The following CAMTA1 variants were observed in gnomAD, a reference collection of about 807,000 sequenced individuals.
CAMTA1 encodes calmodulin-binding transcription activator 1.
Under a neutral mutation model 170.9 loss-of-function variants are expected in CAMTA1, and 27 were observed. The observed-to-expected ratio is 0.16, with a 90% CI of 0.12 to 0.22. CAMTA1 has a LOEUF of 0.22. Among genes scored for constraint, CAMTA1 ranks in the 10% least tolerant of loss-of-function variants. CAMTA1 has a pLI of 1.00. For synonymous variants in CAMTA1, 833 were observed against 891.5 expected (o/e 0.93, Z 1.17); for missense variants, 1,619 against 2,217.2 (o/e 0.73, Z 5.42).
At chr1:7,070,202 G>C (rs141924290) in intron 3 of CAMTA1, among the ~76,000 whole-genome samples, 2 of 152,306 alleles carry the variant, frequency 1.3e-5, no homozygotes, top group Non-Finnish European at 2.9e-5. Context: ...CATCAGATGG[G>C]GGCGGGCTCA....
intron 22 of CAMTA1, among the ~76,000 whole-genome samples, chr1:7,765,984 G>A (rs1004279742): frequency 4.8e-5 from 7 of 146,788 alleles, no homozygotes; most frequent in African/African-American, 1.5e-4. Context: ...CCGAGATGGT[G>A]CCACTGCACT....
In CAMTA1 at chr1:7,266,311, C is replaced by G. The variant is rs185800350; in HGVS notation, c.438+16685C>G. 3.3e-5 allele frequency among the ~76,000 whole-genome samples: 5 copies of G among 152,308 alleles called. No homozygotes were observed. In the East Asian group the frequency reaches 9.7e-4, roughly 29 times the overall value. ...GGTGTGTTCAGAGTGTGATCTGATA[C>G]TAGCAGGACTTCTGGCTGGGAGCGC... On this transcript the variant is annotated intron_variant, in intron 5 of 22. Transcript: ENST00000303635.
At chr1:7,410,877 C>T (rs1179170566) in intron 5 of CAMTA1, among the ~76,000 whole-genome samples, 5 of 150,132 alleles carry the variant, frequency 3.3e-5, no homozygotes, top group South Asian at 2.2e-4. Flanking sequence ...GGGTTCCCAA[C>T]GTGCATGGAG....
intron 3 of CAMTA1, among the ~76,000 whole-genome samples, chr1:6,951,260 T>A (rs756451136): frequency 1.3e-5 from 2 of 152,212 alleles, no homozygotes; most frequent in African/African-American, 2.4e-5. Flanking sequence ...CTGGATCAGA[T>A]GGGATTCGTT....
intron 5 of CAMTA1, among the ~76,000 whole-genome samples, chr1:7,313,402 G>A (rs574085171): frequency 3.9e-5 from 6 of 152,264 alleles, no homozygotes; most frequent in Non-Finnish European, 5.9e-5. Flanking sequence ...TTTGTGCCTC[G>A]GGGCATGTGC....
At chr1:7,583,215 A>T (rs1163384633) in intron 6 of CAMTA1, among the ~76,000 whole-genome samples, 1 of 152,014 alleles carries the variant, frequency 6.6e-6, no homozygotes, top group South Asian at 2.1e-4. Flanking sequence ...TCAGTTCCAC[A>T]TTGCATGGGG....
At chr1:6,936,450 G>A (rs1571863435) in intron 3 of CAMTA1, among the ~76,000 whole-genome samples, 1 of 152,104 alleles carries the variant, frequency 6.6e-6, no homozygotes, top group South Asian at 2.1e-4. Flanking sequence ...AGAGGCAGAT[G>A]CCTGTGGATG....
At chr1:6,878,387 C>T (rs1399053895) in intron 3 of CAMTA1, among the ~76,000 whole-genome samples, 1 of 152,202 alleles carries the variant, frequency 6.6e-6, no homozygotes. Flanking sequence ...TGGTTTTGTG[C>T]TAGATCACAA....
chr1:7,500,895 A>G (rs1369666019), intron 6 of CAMTA1, among the ~76,000 whole-genome samples: 5 of 152,072 alleles, frequency 3.3e-5, no homozygotes, highest in Non-Finnish European at 4.4e-5. Flanking sequence ...TCAGGGCTTC[A>G]TGCTCAACTG....
At chr1:6,881,694 A>C (rs28377743) in intron 3 of CAMTA1, among the ~76,000 whole-genome samples, 1 of 152,206 alleles carries the variant, frequency 6.6e-6, no homozygotes, top group Non-Finnish European at 1.5e-5. Flanking sequence ...TGGGCTGGGC[A>C]TGATGGCTCA....
Position 7,579,552 on chromosome 1 carries a change from C to CTTTTTTTTTTT in CAMTA1, c.511-60833_511-60823dup, listed in dbSNP as rs3034816. Among the ~76,000 whole-genome samples the CTTTTTTTTTTT allele has an allele frequency of 6.6e-3, 519 of 79,180 alleles. 21 individuals carry two copies. Among genetic ancestry groups the CTTTTTTTTTTT allele is most frequent in the African/African-American group, 8.8e-3 (149 of 16,950 alleles). 51.9% of individuals were successfully genotyped at this position (79,180 alleles called of 152,430 possible). ...GGTCCACTTTCTTTTCTTTTCTTTT[C>CTTTTTTTTTTT]TTTTTTTTTTTTTTTTTTTTTTTTT... On this transcript the variant is annotated intron_variant, in intron 6 of 22. Coordinates refer to ENST00000303635, the MANE Select transcript of CAMTA1 (RefSeq NM_015215.4).
intron 3 of CAMTA1, among the ~76,000 whole-genome samples, chr1:6,958,659 A>G (rs11120797): frequency 0.032 from 4,940 of 152,290 alleles, 88 homozygotes; most frequent in Middle Eastern, 0.044. Flanking sequence ...CAGAGCCTCC[A>G]AGAAGTGCAT....
intron 3 of CAMTA1, among the ~76,000 whole-genome samples, chr1:6,936,012 A>G (rs1452602953): frequency 6.6e-6 from 1 of 152,212 alleles, no homozygotes; most frequent in African/African-American, 2.4e-5. Context: ...GTTTAAGGTT[A>G]TGCGCCTGAG....
chr1:7,118,237 T>A (rs1460032336), intron 4 of CAMTA1, among the ~76,000 whole-genome samples: 1 of 151,572 alleles, frequency 6.6e-6, no homozygotes, highest in African/African-American at 2.4e-5. Flanking sequence ...GACTCTAGAG[T>A]TGGGAGTACA....
chr1:7,446,735 A>G (rs1212889136), intron 5 of CAMTA1, among the ~76,000 whole-genome samples: 4 of 152,198 alleles, frequency 2.6e-5, no homozygotes, highest in African/African-American at 7.2e-5. Context: ...TGCAGGGGAC[A>G]TTGTGAAAGG....
chr1:7,409,139 G>C (rs1287027984), intron 5 of CAMTA1, among the ~76,000 whole-genome samples: 1 of 152,218 alleles, frequency 6.6e-6, no homozygotes, highest in Non-Finnish European at 1.5e-5. Flanking sequence ...CCAGCAGTGA[G>C]CTGCTGAGAG....
chr1:6,896,700 C>A (rs576910833), intron 3 of CAMTA1, among the ~76,000 whole-genome samples: 12 of 152,226 alleles, frequency 7.9e-5, no homozygotes, highest in African/African-American at 2.6e-4. Flanking sequence ...TTCTGAGGAA[C>A]CCTTTGCATC....
chr1:7,630,883 G>A lies in CAMTA1; in HGVS notation c.511-9517G>A, dbSNP rs1277810307. Among the ~76,000 whole-genome samples, 5 of 152,232 alleles carry A rather than the reference G, an allele frequency of 3.3e-5. No individual in the cohort carries two copies. The South Asian group carries it at 6.2e-4, about 19-fold the overall frequency. On this transcript the variant is annotated intron_variant, in intron 6 of 22. Transcript: ENST00000303635. ...GGCCCAGCACAGATTGCAGGACCAA[G>A]CCCCCAGAAGAGCACAGTTGACTAC...
chr1:7,763,477 T>C (rs1237486032), intron 22 of CAMTA1, among the ~76,000 whole-genome samples: 2 of 152,228 alleles, frequency 1.3e-5, no homozygotes, highest in Non-Finnish European at 2.9e-5. Flanking sequence ...GACATGCACC[T>C]CTCCTTAACC....
Sources: allele counts gnomAD v4.1 joint callset (sites outside exome capture counted in the v4.1 genomes callset), GRCh38; gene constraint gnomAD v4.1.1; transcripts MANE v1.5; gene names NCBI Gene and HGNC (gene_info 2026-07-23, HGNC 2026-07-21).